CUX2: variants seen among roughly 807,000 people sequenced by gnomAD.
CUX2 encodes the protein cut like homeobox 2, also known as homeobox protein cut-like 2.
CUX2 carries 40 observed loss-of-function variants against 144.8 expected under a neutral mutation model. The ratio of observed to expected loss-of-function variants is 0.28; its 90% CI spans 0.21 to 0.36. The LOEUF (loss-of-function observed/expected upper bound fraction) is 0.36, where lower values mean the gene tolerates loss of function less well. Ranked by LOEUF, CUX2 falls within the 10% of genes least tolerant of loss-of-function variation. The pLI is 1.00. For synonymous variants in CUX2, 827 were observed against 875.6 expected (o/e 0.94, Z 0.98); for missense variants, 1,615 against 1,994.0 (o/e 0.81, Z 3.62).
chr12:111,181,970 A>G (rs1879207194), intron 1 of CUX2, among the ~76,000 whole-genome samples: 1 of 152,188 alleles, frequency 6.6e-6, no homozygotes, highest in African/African-American at 2.4e-5. Flanking sequence ...TGGGGGGTGC[A>G]AGGACCCACT....
At chr12:111,347,231 C>A (rs2136458066) in intron 21 of CUX2, among the ~76,000 whole-genome samples, 1 of 152,250 alleles carries the variant, frequency 6.6e-6, no homozygotes, top group Non-Finnish European at 1.5e-5. Flanking sequence ...AGATCATGAG[C>A]TTTGGGATTC....
chr12:111,216,022 G>A (rs1313567599), intron 2 of CUX2, among the ~76,000 whole-genome samples: 4 of 152,228 alleles, frequency 2.6e-5, no homozygotes, highest in African/African-American at 9.6e-5. Context: ...AAGTCACGCC[G>A]AGGCTTTATT....
At chr12:111,115,746 C>T (rs1303010823) in intron 1 of CUX2, among the ~76,000 whole-genome samples, 2 of 152,092 alleles carry the variant, frequency 1.3e-5, no homozygotes, top group Middle Eastern at 3.2e-3. Context: ...GGTGCCCCCT[C>T]TTTTTCTTCT....
chr12:111,237,415 C>T (rs1363356732), intron 3 of CUX2, among the ~76,000 whole-genome samples: 1 of 152,180 alleles, frequency 6.6e-6, no homozygotes, highest in Non-Finnish European at 1.5e-5. Context: ...CTTCATGATC[C>T]CCTAGGTCCC....
Position 111,289,053 on chromosome 12 carries a change from G to A in CUX2, c.302-2365G>A, listed in dbSNP as rs1885543574. 6.6e-6 allele frequency among the ~76,000 whole-genome samples: 1 copy of A among 152,128 alleles called. No homozygotes were observed. Among genetic ancestry groups the A allele is most frequent in the Non-Finnish European group, 1.5e-5 (1 of 68,024 alleles). On this transcript the variant is annotated intron_variant, in intron 4 of 21. Transcript: ENST00000261726. This position sits in a 1 kb window ranked among gnomAD's most constrained non-coding sequence, Gnocchi z 4.1. ...CAGGAACATAGCTTGAACATGGGAG[G>A]CAGAGATTGCAATGAGCTGAGATCA...
Position 111,341,843 on chromosome 12 carries a change from G to A in CUX2, c.3449G>A (p.Arg1150His), listed in dbSNP as rs373295855. The A allele has an allele frequency of 2.4e-5, 39 of 1,613,210 alleles. No homozygotes were observed. Among genetic ancestry groups the A allele is most frequent in the Middle Eastern group, 1.6e-4 (1 of 6,084 alleles). Reference sequence around the variant, plus strand: ...TCAGACAGTGAGTCCCCGGCCACCCGCTCAGAGTGCCCCAGCCCCTGCCTG... The same window carrying A: ...TCAGACAGTGAGTCCCCGGCCACCCACTCAGAGTGCCCCAGCCCCTGCCTG... ...TGSDSESPAT[R>H]SECPSPCLQP... is the part of the protein sequence containing the mutation. Residue 1150 changes from arginine to histidine, a missense_variant, in exon 21 of 22, where the codon CGC (arginine) becomes CAC (histidine). This residue lies in a region of CUX2 where 131 missense variants were observed against 223.1 expected (regional missense o/e 0.59). Coordinates refer to ENST00000261726, the MANE Select transcript of CUX2 (RefSeq NM_015267.4).
At chr12:111,107,290 G>T (rs933917772) in intron 1 of CUX2, among the ~76,000 whole-genome samples, 6 of 152,222 alleles carry the variant, frequency 3.9e-5, no homozygotes, top group African/African-American at 1.2e-4. Context: ...CACACAGCCT[G>T]CCCACCTGGT....
Position 111,058,563 on chromosome 12 carries a change from G to GAC in CUX2, c.63+24324_63+24325insCA, listed in dbSNP as rs1198701878. Among the ~76,000 whole-genome samples the GAC allele has an allele frequency of 1.0e-2, 1,515 of 152,214 alleles. 23 individuals are homozygous for GAC. Among genetic ancestry groups the GAC allele is most frequent in the African/African-American group, 0.035 (1,459 of 41,504 alleles). On this transcript the variant is annotated intron_variant, in intron 1 of 21. Coordinates refer to ENST00000261726, the MANE Select transcript of CUX2 (RefSeq NM_015267.4). ...AGAGAGAGAGACAGAGAGAGAGAGA[G>GAC]AGAGACAGACAGACAGAGAGAGAGA...
At chr12:111,268,732 C>T (rs1884504261) in intron 4 of CUX2, among the ~76,000 whole-genome samples, 1 of 152,254 alleles carries the variant, frequency 6.6e-6, no homozygotes, top group Non-Finnish European at 1.5e-5. Flanking sequence ...GGCACCATTC[C>T]TTGCCGCCTT....
chr12:111,126,972 C>T (rs886990288), intron 1 of CUX2, among the ~76,000 whole-genome samples: 4 of 152,166 alleles, frequency 2.6e-5, no homozygotes, highest in Non-Finnish European at 5.9e-5. Context: ...TACTCTTTTC[C>T]TTGATACCCT....
In CUX2 at chr12:111,051,878, T is replaced by C. The variant is rs956404982; in HGVS notation, c.63+17638T>C. The stretch of plus-strand genomic sequence containing the variant: ...CATTTTAATTAGTGAGGTTTTTTTT[T>C]TAACTATATTACTTGAGGATTTTCT... On this transcript the variant is annotated intron_variant, in intron 1 of 21. Transcript: ENST00000261726. 6.6e-5 allele frequency among the ~76,000 whole-genome samples: 10 copies of C among 152,336 alleles called. 1 individual carries two copies. Among genetic ancestry groups the C allele is most frequent in the Non-Finnish European group, 1.2e-4 (8 of 68,032 alleles).
chr12:111,150,333 G>A (rs866961608), intron 1 of CUX2, among the ~76,000 whole-genome samples: 2 of 152,164 alleles, frequency 1.3e-5, no homozygotes, highest in South Asian at 2.1e-4. Flanking sequence ...CCGGGAAAAA[G>A]AAAGAATCAT....
At chr12:111,084,531 T>A (rs998242622) in intron 1 of CUX2, among the ~76,000 whole-genome samples, 1 of 152,192 alleles carries the variant, frequency 6.6e-6, no homozygotes, top group African/African-American at 2.4e-5. Flanking sequence ...CACTGGCTAT[T>A]ACGGAAATAG....
At chr12:111,147,050 G>T (rs540742295) in intron 1 of CUX2, among the ~76,000 whole-genome samples, 11 of 152,294 alleles carry the variant, frequency 7.2e-5, no homozygotes, top group Middle Eastern at 3.4e-3. Flanking sequence ...CAGGAGAATT[G>T]CTTGAACTCG....
chr12:111,120,754 A>G (rs1330037031), intron 1 of CUX2, among the ~76,000 whole-genome samples: 1 of 151,938 alleles, frequency 6.6e-6, no homozygotes, highest in Admixed American at 6.5e-5. Context: ...ATTAGCATAG[A>G]GAAAATATGT....
chr12:111,309,943 G>C (rs1330479642), intron 14 of CUX2, 98 bp from the exon 15 acceptor site: 9 of 1,091,702 alleles, frequency 8.2e-6, no homozygotes, highest in Admixed American at 4.0e-5. Context: ...GTCTCTCTCT[G>C]TCTCTCTCCC....
rs745520046 is a variant in CUX2, at chr12:111,320,282, C to T, written c.2273C>T (p.Pro758Leu). The T allele has an allele frequency of 3.8e-6, 6 of 1,595,390 alleles. No individual in the cohort carries two copies. The highest frequency in any genetic ancestry group is 4.2e-6 in the Non-Finnish European group (5 of 1,178,076). Residue 758 changes from proline to leucine, a missense_variant, in exon 17 of 22, where the codon CCG becomes CTG. Pro to Leu is a moderately conservative substitution (Grantham distance 98). Transcript: ENST00000261726. The surrounding 1 kb of genome is among the most constrained non-coding windows in gnomAD (Gnocchi z 8.1). ...GGCAGCGGGGGCCCCGCGCAGGCGC[C>T]GCTCCCGGTCCTGTCCCCCGCCGCC... is the stretch of plus-strand genomic sequence containing the variant. ...EEGSGGPAQA[P>L]LPVLSPAAFV...
intron 1 of CUX2, among the ~76,000 whole-genome samples, chr12:111,097,136 C>T (rs1259127678): frequency 6.6e-6 from 1 of 152,214 alleles, no homozygotes; most frequent in African/African-American, 2.4e-5. Flanking sequence ...CACTGGGCAT[C>T]CTTCCTGTTC....
rs1358727706 is a variant in CUX2, at chr12:111,263,476, G to A, written c.223-285G>A. Reference sequence around the variant, plus strand: ...AAAAAATTAGCTGGGCATGGTGGCAGGCACCTGTAGTGGTAGCAGGCACCT... The same window carrying A: ...AAAAAATTAGCTGGGCATGGTGGCAAGCACCTGTAGTGGTAGCAGGCACCT... On this transcript the variant is annotated intron_variant, in intron 3 of 21. Coordinates refer to ENST00000261726, the MANE Select transcript of CUX2 (RefSeq NM_015267.4). This position sits in a 1 kb window ranked among gnomAD's most constrained non-coding sequence, Gnocchi z 4.0. Among the ~76,000 whole-genome samples, 1 of 152,052 alleles carries A rather than the reference G, an allele frequency of 6.6e-6. No homozygotes were observed.
Sources: gnomAD v4.1 joint callset for allele counts (sites outside exome capture counted in the v4.1 genomes callset) on GRCh38, gnomAD v4.1.1 for gene constraint, gnomAD v4.1.1 regional missense constraint, Gnocchi (gnomAD v3.1) non-coding constraint, MANE v1.5 for transcripts, NCBI Gene and HGNC (gene_info 2026-07-23, HGNC 2026-07-21) for gene names.